NAE1: variants seen among roughly 807,000 people sequenced by gnomAD.
The protein encoded by NAE1 is NEDD8-activating enzyme E1 regulatory subunit.
In NAE1, 59 loss-of-function variants were observed where a neutral mutation model predicts 88.0. That is an observed-to-expected ratio of 0.67 (90% CI 0.54 to 0.83). NAE1 has a LOEUF of 0.83. Among genes scored for constraint, NAE1 ranks in the 40% least tolerant of loss-of-function variants. The pLI is 0.00. For missense variants in NAE1, 554 were observed against 632.8 expected (o/e 0.88, Z 1.34); for synonymous variants, 186 against 208.9 (o/e 0.89, Z 0.95).
At position 66,817,003 on chromosome 16, in the gene NAE1, T is replaced by C. The variant is rs149417383; in HGVS notation, c.710A>G (p.Tyr237Cys). 2 of 1,600,642 alleles carry C rather than the reference T, an allele frequency of 1.2e-6. No homozygotes were observed. The highest frequency in any genetic ancestry group is 2.7e-5 in the African/African-American group (2 of 74,238). Reference protein sequence around the residue: ...SETNGRIPKTYKEKEDFRDLI... With the variant: ...SETNGRIPKTCKEKEDFRDLI... ...ATCTCTGAAGTCCTCTTTTTCTTTA[T>C]ACGTTTTAGGTATTCGTCCATTTGT... Residue 237 changes from tyrosine to cysteine, a missense_variant, in exon 10 of 20, where the codon TAT becomes TGT. Coordinates refer to ENST00000290810, the MANE Select transcript of NAE1 (RefSeq NM_003905.4).
chr16:66,819,209 C>G (rs1019333672), intron 7 of NAE1, among the ~76,000 whole-genome samples: 8 of 152,172 alleles, frequency 5.3e-5, no homozygotes, highest in African/African-American at 1.9e-4. Flanking sequence ...TTGACAAACC[C>G]TAGGTACAGA....
chr16:66,817,138 TTC>T (rs1960075979), intron 9 of NAE1, 110 bp from the exon 10 acceptor site: 1 of 1,377,132 alleles, frequency 7.3e-7, no homozygotes, highest in Non-Finnish European at 9.6e-7. Flanking sequence ...ACAAATATAT[TTC>T]TCTGTGAAAT....
intron 13 of NAE1, among the ~76,000 whole-genome samples, chr16:66,812,237 C>A: frequency 6.6e-6 from 1 of 152,294 alleles, no homozygotes; most frequent in Non-Finnish European, 1.5e-5. Context: ...CATTTACCAG[C>A]TATCTGACCT....
At chr16:66,813,370 G>A (rs562526856) in intron 13 of NAE1, 194 bp downstream of exon 13, 1 of 598,910 alleles carries the variant, frequency 1.7e-6, no homozygotes, top group East Asian at 3.0e-5. Flanking sequence ...CAAACTCCTG[G>A]ACTCAAGCAA....
intron 14 of NAE1, 68 bp downstream of exon 14, chr16:66,810,629 C>G: frequency 7.0e-7 from 1 of 1,428,610 alleles, no homozygotes; most frequent in Non-Finnish European, 9.8e-7. Flanking sequence ...CACCCTCTGT[C>G]TCTAAACCCT....
At chr16:66,824,588 T>A in intron 4 of NAE1, 1 of 255,172 alleles carries the variant, frequency 3.9e-6, no homozygotes, top group Non-Finnish European at 7.6e-6. Flanking sequence ...CGAGACTCCG[T>A]CTCAAAAAAA....
At chr16:66,828,285 G>GT (rs1427687970) in intron 1 of NAE1, 1 of 415,226 alleles carries the variant, frequency 2.4e-6, no homozygotes, top group East Asian at 4.6e-5. Context: ...GAGGTCAGGA[G>GT]TTTGAGACCA....
chr16:66,812,857 C>G (rs1475091326), intron 13 of NAE1, among the ~76,000 whole-genome samples: 2 of 134,494 alleles, frequency 1.5e-5, no homozygotes, highest in Non-Finnish European at 3.2e-5. Flanking sequence ...GAGTCTCACT[C>G]TGTCGCCCAG....
intron 17 of NAE1, among the ~76,000 whole-genome samples, chr16:66,807,014 T>TA (rs2145311263): frequency 6.6e-6 from 1 of 152,274 alleles, no homozygotes; most frequent in South Asian, 2.1e-4. Context: ...CGTGAAGAGA[T>TA]ACCTGACCAG....
chr16:66,827,567 C>CAAA (rs11372346), intron 1 of NAE1: 7 of 139,768 alleles, frequency 5.0e-5, no homozygotes, highest in Admixed American at 7.1e-5. Flanking sequence ...GACTCCGTCT[C>CAAA]AAAAAAAAAA....
At chr16:66,809,691 C>T (rs1304925745) in intron 15 of NAE1, among the ~76,000 whole-genome samples, 5 of 151,994 alleles carry the variant, frequency 3.3e-5, no homozygotes, top group African/African-American at 1.2e-4. Flanking sequence ...TGGCAGAAAA[C>T]ATTAAAACCG....
intron 13 of NAE1, 100 bp downstream of exon 13, chr16:66,813,464 T>C (rs1416110606): frequency 7.3e-6 from 10 of 1,375,100 alleles, no homozygotes; most frequent in South Asian, 7.2e-5. Flanking sequence ...AGCAATGAGG[T>C]TGTAATAAAC....
intron 8 of NAE1, 30 bp from the exon 9 acceptor site, chr16:66,817,517 A>G (rs773101089): frequency 7.0e-7 from 1 of 1,438,112 alleles, no homozygotes; most frequent in Admixed American, 2.3e-5. Context: ...AAAAGAAAAT[A>G]TCAGTATTAT....
intron 1 of NAE1, 117 bp downstream of exon 1, chr16:66,830,730 G>A: frequency 4.9e-6 from 5 of 1,018,314 alleles, no homozygotes; most frequent in Middle Eastern, 3.0e-4. Flanking sequence ...CGCACGGCCC[G>A]GCCCAGCCTG....
At chr16:66,804,726 T>TGATTAGG (rs1959493557) in intron 19 of NAE1, among the ~76,000 whole-genome samples, 1 of 152,094 alleles carries the variant, frequency 6.6e-6, no homozygotes, top group Non-Finnish European at 1.5e-5. Flanking sequence ...GGATAGGGCC[T>TGATTAGG]TTGGTAGGTG....
chr16:66,817,370 T>C (rs1412152026), intron 9 of NAE1, 55 bp downstream of exon 9: 2 of 1,381,684 alleles, frequency 1.4e-6, no homozygotes, highest in Non-Finnish European at 2.1e-6. Flanking sequence ...GGAAATCCTT[T>C]GTAAGAAACT....
chr16:66,830,485 C>G (rs992409110), intron 1 of NAE1, among the ~76,000 whole-genome samples: 1 of 152,228 alleles, frequency 6.6e-6, no homozygotes, highest in Non-Finnish European at 1.5e-5. Flanking sequence ...TGGCTGAGAA[C>G]AAAACCTAAC....
At position 66,818,521 on chromosome 16, in the gene NAE1, T is replaced by C; in HGVS notation, c.621+7A>G. On this transcript the variant is annotated splice_region_variant and intron_variant, in intron 8 of 19. Coordinates refer to ENST00000290810, the MANE Select transcript of NAE1 (RefSeq NM_003905.4). The stretch of plus-strand genomic sequence containing the variant: ...TCTGTAAATGTAAGGTCACACACAC[T>C]ACCAACCTTTTTTTCCATATGATCC... 1 of 1,605,748 alleles carries C rather than the reference T, an allele frequency of 6.2e-7. No individual in the cohort carries two copies. The highest frequency in any genetic ancestry group is 8.5e-7 in the Non-Finnish European group (1 of 1,176,392).
intron 17 of NAE1, 31 bp downstream of exon 17, chr16:66,808,490 T>C: frequency 3.0e-6 from 4 of 1,325,246 alleles, no homozygotes; most frequent in Middle Eastern, 1.9e-4. Flanking sequence ...GAAGATCTTA[T>C]TATATCTGGT....
Sources: allele counts gnomAD v4.1 joint callset (sites outside exome capture counted in the v4.1 genomes callset), GRCh38; gene constraint gnomAD v4.1.1; transcripts MANE v1.5; gene names NCBI Gene and HGNC (gene_info 2026-07-23, HGNC 2026-07-21).